Variants in AACS observed in about 807,000 individuals in gnomAD.
The protein encoded by AACS is acetoacetate-CoA ligase.
A neutral mutation model predicts 83.1 loss-of-function variants in AACS; 69 were observed. The observed-to-expected ratio is 0.83, with a 90% confidence interval of 0.68 to 1.01. AACS has a LOEUF of 1.01. Ranked by LOEUF, AACS falls within the 50% of genes least tolerant of loss-of-function variation. The pLI is 0.00. For missense variants in AACS, 866 were observed against 882.2 expected (o/e 0.98, Z 0.23); for synonymous variants, 333 against 343.4 (o/e 0.97, Z 0.33).
chr12:125,086,251 G>C lies in AACS; in HGVS notation c.359-79G>C, dbSNP rs1956336742. On this transcript the variant is annotated intron_variant, in intron 3 of 17. Coordinates refer to ENST00000316519, the MANE Select transcript of AACS (RefSeq NM_023928.5). ...TAATAACCTGCATTGAAACAGGTGGGATTTTTCATTCAGTGTCTGGCTTGC... is the reference window on the plus strand; with the variant it reads ...TAATAACCTGCATTGAAACAGGTGGCATTTTTCATTCAGTGTCTGGCTTGC... 3 of 1,242,800 alleles carry C rather than the reference G, an allele frequency of 2.4e-6. No homozygotes were observed. In the South Asian group the frequency reaches 3.8e-5, roughly 16 times the overall value. The allele number at this position is 1,242,800 out of a possible 1,614,324, so 77.0% of individuals were successfully genotyped here. A position where few individuals can be genotyped will look rare whatever the true frequency, so the allele number is the denominator to read the frequency against.
intron 5 of AACS, 48 bp downstream of exon 5, chr12:125,091,571 TC>T (rs754833334): frequency 6.2e-5 from 98 of 1,576,398 alleles, no homozygotes; most frequent in Non-Finnish European, 8.1e-5. Context: ...CCTGTGAGCA[TC>T]CTGGGCAGGG....
At position 125,129,361 on chromosome 12, in the gene AACS, G is replaced by T. The variant is rs376023356; in HGVS notation, c.1450G>T (p.Glu484Ter). 1 of 1,613,646 alleles carries T rather than the reference G, an allele frequency of 6.2e-7. No homozygotes were observed. The highest frequency in any genetic ancestry group is 8.5e-7 in the Non-Finnish European group (1 of 1,179,896). Reference sequence around the variant, plus strand: ...AAAGGCGGTCTGGGGAGAGAGCGGCGAGCTGGTGTGTACTAAGCCGATCCC... The same window carrying T: ...AAAGGCGGTCTGGGGAGAGAGCGGCTAGCTGGTGTGTACTAAGCCGATCCC... ...EGKAVWGESGELVCTKPIPCQ... is the reference protein window; with the variant it reads ...EGKAVWGESG Residue 484 changes from glutamate (E) to a stop codon, truncating the protein, a stop_gained, in exon 14 of 18, where the codon GAG becomes TAG. Coordinates refer to ENST00000316519, the MANE Select transcript of AACS (RefSeq NM_023928.5). LOFTEE classifies it high-confidence loss of function. This position sits in a 1 kb window ranked among gnomAD's most constrained non-coding sequence, Gnocchi z 4.3.
Position 125,091,477 on chromosome 12 carries a change from G to A in AACS, c.524G>A (p.Ser175Asn), listed in dbSNP as rs1393103142. ...GTCGAGGCGATGCTGGCTGCGGCAA[G>A]CATTGGTGCCATCTGGAGCTCCACG... ...HAVEAMLAAA[S>N]IGAIWSSTSP... Residue 175 changes from serine to asparagine, a missense_variant, in exon 5 of 18, where the codon AGC (serine) becomes AAC (asparagine). Ser to Asn is a conservative substitution (Grantham distance 46, BLOSUM62 1). Transcript: ENST00000316519. 4 of 1,614,270 alleles carry A rather than the reference G, an allele frequency of 2.5e-6. No homozygotes were observed. The highest frequency in any genetic ancestry group is 3.4e-6 in the Non-Finnish European group (4 of 1,180,056).
At chr12:125,103,745 T>C (rs571174994) in intron 7 of AACS, among the ~76,000 whole-genome samples, 5 of 152,000 alleles carry the variant, frequency 3.3e-5, no homozygotes, top group African/African-American at 4.8e-5. Context: ...TCCCAGCACT[T>C]TGGGAGGCCG....
intron 7 of AACS, among the ~76,000 whole-genome samples, chr12:125,104,685 A>G (rs1202399128): frequency 1.3e-5 from 2 of 152,278 alleles, no homozygotes; most frequent in African/African-American, 4.8e-5. Flanking sequence ...GGCGAGGGCC[A>G]TGGTCTCCAG....
chr12:125,119,589 TCCTTTATAAAAC>T (rs1957119149), intron 10 of AACS, among the ~76,000 whole-genome samples: 1 of 152,284 alleles, frequency 6.6e-6, no homozygotes, highest in East Asian at 1.9e-4. Flanking sequence ...AGGAGAACTG[TCCTTTATAAAAC>T]CATCAGATCT....
At chr12:125,065,860 T>A in intron 1 of AACS, 143 bp downstream of exon 1, 1 of 1,260,112 alleles carries the variant, frequency 7.9e-7, no homozygotes, top group Non-Finnish European at 1.0e-6. Flanking sequence ...ACTGCGGGGT[T>A]CCCCCCAGTC....
rs762182856 is a variant in AACS at position 125,091,510 on chromosome 12, A to C, written c.557A>C (p.Asp186Ala). The change falls in exon 5 of 18, where the codon GAC (aspartate) becomes GCC (alanine). Residue 186 changes from aspartate (D) to alanine (A), a missense_variant. Asp to Ala is a moderately radical substitution (Grantham distance 126). Coordinates refer to ENST00000316519, the MANE Select transcript of AACS (RefSeq NM_023928.5). The stretch of plus-strand genomic sequence containing the variant: ...GCCATCTGGAGCTCCACGTCCCCGG[A>C]CTTCGGTGTGAATGTGAGTCAGGGT... ...IGAIWSSTSP[D>A]FGVNGVLDRF... 2 of 1,614,086 alleles carry C rather than the reference A, an allele frequency of 1.2e-6. No individual in the cohort carries two copies. Among genetic ancestry groups the C allele is most frequent in the African/African-American group, 2.7e-5 (2 of 74,930 alleles).
At chr12:125,112,476 C>T (rs1437357876) in intron 8 of AACS, among the ~76,000 whole-genome samples, 1 of 151,830 alleles carries the variant, frequency 6.6e-6, no homozygotes, top group Non-Finnish European at 1.5e-5. Context: ...GTAAAGAGAT[C>T]GAGACCAGCC....
intron 1 of AACS, among the ~76,000 whole-genome samples, chr12:125,072,950 T>TC: frequency 7.7e-6 from 1 of 130,228 alleles, no homozygotes; most frequent in South Asian, 2.6e-4. Flanking sequence ...TTTTTTGAGA[T>TC]GGAGTTTCGC....
chr12:125,095,454 T>G (rs928987156), intron 5 of AACS, among the ~76,000 whole-genome samples: 1 of 152,218 alleles, frequency 6.6e-6, no homozygotes. Flanking sequence ...CACCCTGTAC[T>G]GGGCTGGTTC....
At chr12:125,095,705 G>A (rs1450016622) in intron 5 of AACS, among the ~76,000 whole-genome samples, 2 of 152,182 alleles carry the variant, frequency 1.3e-5, no homozygotes, top group African/African-American at 4.8e-5. Flanking sequence ...TGACTCCAGC[G>A]GCTTTCTGGG....
chr12:125,134,692 G>T lies in AACS; in HGVS notation c.1620-102G>T, dbSNP rs1957375252. On this transcript the variant is annotated intron_variant, in intron 15 of 17. Coordinates refer to ENST00000316519, the MANE Select transcript of AACS (RefSeq NM_023928.5). ...GGAGTGTCCGTGACTAGTCCTGGGG[G>T]ATGCCATGGGAAAGTGGGGGGTGAC... is the stretch of plus-strand genomic sequence containing the variant. 3 of 1,289,392 alleles carry T rather than the reference G, an allele frequency of 2.3e-6. No individual in the cohort carries two copies. The East Asian group carries it at 7.1e-5, about 30-fold the overall frequency. The allele number at this position is 1,289,392 out of a possible 1,614,324, so 79.9% of individuals were successfully genotyped here.
chr12:125,079,322 G>A (rs1285989012), intron 3 of AACS, among the ~76,000 whole-genome samples: 2 of 152,208 alleles, frequency 1.3e-5, no homozygotes, highest in Non-Finnish European at 1.5e-5. Context: ...GGTGGAGAAC[G>A]GGAAGGGATT....
At position 125,107,008 on chromosome 12, in the gene AACS, A is replaced by C. The variant is rs12306692; in HGVS notation, c.768-113A>C. The C allele has an allele frequency of 4.5e-3, 6,723 of 1,495,610 alleles. 211 individuals are homozygous for C. The African/African-American group carries it at 0.076, about 17-fold the overall frequency. 92.6% of individuals were successfully genotyped at this position (1,495,610 alleles called of 1,614,324 possible). A position where few individuals can be genotyped will look rare whatever the true frequency, so the allele number is the denominator to read the frequency against. ...CCAAATCTGGCCACCGTCCCCCTGG[A>C]ATCCTGGCTTTTCTGGGGGTAGAAA... On this transcript the variant is annotated intron_variant, in intron 7 of 17. Coordinates refer to ENST00000316519, the MANE Select transcript of AACS (RefSeq NM_023928.5).
At chr12:125,107,100 T>A (rs1332773792) in intron 7 of AACS, 21 bp from the exon 8 acceptor site, 10 of 1,613,882 alleles carry the variant, frequency 6.2e-6, no homozygotes, top group Non-Finnish European at 8.5e-6. Flanking sequence ...ATGGCGTGTT[T>A]CCCTGCGTTT....
chr12:125,114,390 C>T (rs1484366165), intron 8 of AACS, 87 bp from the exon 9 acceptor site: 11 of 1,067,776 alleles, frequency 1.0e-5, no homozygotes, highest in South Asian at 1.4e-5. Flanking sequence ...TTCCTGGCAG[C>T]GTCTGAGCAG....
At chr12:125,068,566 C>G (rs1033678378) in intron 1 of AACS, among the ~76,000 whole-genome samples, 1 of 152,156 alleles carries the variant, frequency 6.6e-6, no homozygotes, top group Non-Finnish European at 1.5e-5. Context: ...CAGCATTGTC[C>G]GGAGCTGAGT....
At chr12:125,084,475 G>A (rs946663027) in intron 3 of AACS, among the ~76,000 whole-genome samples, 3 of 151,234 alleles carry the variant, frequency 2.0e-5, no homozygotes, top group Admixed American at 2.0e-4. Context: ...ACGAACATAG[G>A]TCACTGCAGC....
Sources: gnomAD v4.1 joint callset for allele counts (sites outside exome capture counted in the v4.1 genomes callset) on GRCh38, gnomAD v4.1.1 for gene constraint, Gnocchi (gnomAD v3.1) non-coding constraint, MANE v1.5 for transcripts, NCBI Gene and HGNC (gene_info 2026-07-23, HGNC 2026-07-21) for gene names.